The following NFIB variants were observed in gnomAD, a reference collection of about 807,000 sequenced individuals.
NFIB encodes the protein nuclear factor I B.
Under a neutral mutation model 61.5 loss-of-function variants are expected in NFIB, and 11 were observed. That is an observed-to-expected ratio of 0.18 (90% confidence interval 0.11 to 0.30). The LOEUF is 0.30. Among genes scored for constraint, NFIB ranks in the 10% least tolerant of loss-of-function variants. The pLI, the probability that NFIB is intolerant of heterozygous loss-of-function variation, is 1.00. For missense variants in NFIB, 471 were observed against 608.9 expected (o/e 0.77, Z 2.38); for synonymous variants, 260 against 216.5 (o/e 1.20, Z -1.76).
chr9:14,361,774 C>G (rs1329936721), intron 1 of NFIB: 1 of 152,014 alleles, frequency 6.6e-6, no homozygotes, highest in Non-Finnish European at 1.5e-5. Context: ...CTGTAATAGC[C>G]TAAAATAAAA....
chr9:14,414,845 T>C, the NFIB span, among the ~76,000 whole-genome samples: 1 of 152,204 alleles, frequency 6.6e-6, no homozygotes, highest in Non-Finnish European at 1.5e-5. Context: ...AGGCTAAATG[T>C]TTCTTTGGAG....
intron 2 of NFIB, among the ~76,000 whole-genome samples, chr9:14,282,542 G>C (rs990177663): frequency 6.6e-6 from 1 of 152,208 alleles, no homozygotes; most frequent in African/African-American, 2.4e-5. Context: ...TCACAGAAAT[G>C]GCAGTTGATA....
the NFIB span, among the ~76,000 whole-genome samples, chr9:14,411,969 A>C: frequency 6.6e-6 from 1 of 152,196 alleles, no homozygotes; most frequent in Non-Finnish European, 1.5e-5. Context: ...AGAGGCCAAC[A>C]GCCACGTGAG....
rs2048831185 is a variant in NFIB at position 14,199,811 on chromosome 9, T to C, written c.563-20031A>G. Among the ~76,000 whole-genome samples, 10 of 152,172 alleles carry C rather than the reference T, an allele frequency of 6.6e-5. No individual in the cohort carries two copies. In the South Asian group the frequency reaches 1.9e-3, roughly 28 times the overall value. On this transcript the variant is annotated intron_variant, in intron 2 of 10. Transcript: ENST00000380953. Reference sequence around the variant, plus strand: ...TAATTTCACAAAACTCCTGAAGATATCCAAGGAGACTGCAGAGTTGCACCC... The same window carrying C: ...TAATTTCACAAAACTCCTGAAGATACCCAAGGAGACTGCAGAGTTGCACCC...
intron 2 of NFIB, among the ~76,000 whole-genome samples, chr9:14,275,089 T>C (rs1478596850): frequency 6.6e-6 from 1 of 152,156 alleles, no homozygotes. Flanking sequence ...ATCAGTAAGT[T>C]CTTAATTTGC....
chr9:14,240,606 G>A (rs528549010), intron 2 of NFIB, among the ~76,000 whole-genome samples: 57 of 152,284 alleles, frequency 3.7e-4, no homozygotes, highest in Non-Finnish European at 7.1e-4. Context: ...CAAGAACGAT[G>A]TACTGTATGC....
chr9:14,371,382 G>A (rs1022007562), intron 1 of NFIB, among the ~76,000 whole-genome samples: 2 of 152,138 alleles, frequency 1.3e-5, no homozygotes, highest in Non-Finnish European at 1.5e-5. Flanking sequence ...TTGTTGAAGC[G>A]TTTTCAGTGG....
chr9:14,107,169 T>C lies in NFIB; in HGVS notation c.1467+5830A>G, dbSNP rs188540701. The stretch of plus-strand genomic sequence containing the variant: ...TATTCATACTTTGGATTAGGAGAAT[T>C]TTATTTTATTGCTAATATTAATTAC... On this transcript the variant is annotated intron_variant, in intron 10 of 10. Transcript: ENST00000380953. 2.2e-3 allele frequency among the ~76,000 whole-genome samples: 338 copies of C among 152,146 alleles called. 4 individuals carry two copies. Among genetic ancestry groups the C allele is most frequent in the Non-Finnish European group, 2.0e-3 (137 of 67,958 alleles).
At chr9:14,410,747 T>A in the NFIB span, among the ~76,000 whole-genome samples, 9 of 152,180 alleles carry the variant, frequency 5.9e-5, no homozygotes, top group African/African-American at 2.2e-4. Context: ...CAACTCCCAC[T>A]TTCCTAAACA....
intron 1 of NFIB, among the ~76,000 whole-genome samples, chr9:14,382,904 A>G (rs1479617390): frequency 6.6e-6 from 1 of 152,178 alleles, no homozygotes; most frequent in Non-Finnish European, 1.5e-5. Flanking sequence ...AGAAAAAACC[A>G]TCCTGGTGAT....
chr9:14,422,036 C>T, the NFIB span, among the ~76,000 whole-genome samples: 4 of 151,934 alleles, frequency 2.6e-5, no homozygotes, highest in Admixed American at 6.6e-5. Flanking sequence ...ATGAAGAGTA[C>T]AGAAAAAGTA....
intron 7 of NFIB, among the ~76,000 whole-genome samples, chr9:14,121,041 T>C (rs1015185581): frequency 1.3e-5 from 2 of 152,168 alleles, no homozygotes; most frequent in African/African-American, 4.8e-5. Flanking sequence ...GGCAGGTGGA[T>C]CACCTGAGGT....
rs909796527 is a variant in NFIB, at chr9:14,084,609, A to G, written c.*3700T>C. 4 of 228,898 alleles carry G rather than the reference A, an allele frequency of 1.7e-5. No homozygotes were observed. The highest frequency in any genetic ancestry group is 3.5e-5 in the Non-Finnish European group (4 of 115,170). 14.2% of individuals were successfully genotyped at this position (228,898 alleles called of 1,614,324 possible). On this transcript the variant is annotated 3_prime_UTR_variant, in exon 11 of 11. Coordinates refer to ENST00000380953, the MANE Select transcript of NFIB (RefSeq NM_001190737.2). ...TGAGTGGTGGGTGGCAGGGCAGCAC[A>G]CAAAGGCTGAACAGTGCCACGGAAC... is the stretch of plus-strand genomic sequence containing the variant.
chr9:14,427,934 G>GTTTTTTTTTTTTTTTTTTT, the NFIB span, among the ~76,000 whole-genome samples: 165 of 25,964 alleles, frequency 6.4e-3, 11 homozygotes, highest in Non-Finnish European at 0.011. Context: ...CTTTAATTCA[G>GTTTTTTTTTTTTTTTTTTT]TTGTTTTTTT....
At chr9:14,459,052 T>A in the NFIB span, among the ~76,000 whole-genome samples, 2 of 152,120 alleles carry the variant, frequency 1.3e-5, no homozygotes, top group Non-Finnish European at 2.9e-5. Flanking sequence ...AGAGCCCGCA[T>A]TGCCAAGTCA....
At chr9:14,140,315 C>T (rs1011960524) in intron 6 of NFIB, among the ~76,000 whole-genome samples, 1 of 152,178 alleles carries the variant, frequency 6.6e-6, no homozygotes, top group South Asian at 2.1e-4. Flanking sequence ...TCAGCTCCCA[C>T]AGCTCTAGAG....
chr9:14,401,658 T>C (rs2061744402), upstream of NFIB, among the ~76,000 whole-genome samples: 1 of 152,204 alleles, frequency 6.6e-6, no homozygotes, highest in African/African-American at 2.4e-5. Context: ...TGGTCTAGTG[T>C]TTAATTAGAA....
chr9:14,416,892 C>CTTTTT, the NFIB span, among the ~76,000 whole-genome samples: 33 of 126,930 alleles, frequency 2.6e-4, 2 homozygotes, highest in African/African-American at 1.1e-3. Flanking sequence ...ACTATTTTTA[C>CTTTTT]TTTTTTTTTT....
chr9:14,212,392 C>T (rs1034632808), intron 2 of NFIB, among the ~76,000 whole-genome samples: 1 of 152,128 alleles, frequency 6.6e-6, no homozygotes, highest in Non-Finnish European at 1.5e-5. Context: ...ACTGAATGAT[C>T]TCCTTAAGGG....
Sources: gnomAD v4.1 joint callset for allele counts (sites outside exome capture counted in the v4.1 genomes callset) on GRCh38, gnomAD v4.1.1 for gene constraint, MANE v1.5 for transcripts, NCBI Gene and HGNC (gene_info 2026-07-23, HGNC 2026-07-21) for gene names.